RPS19: variants seen among roughly 807,000 people sequenced by gnomAD.
The protein encoded by RPS19 is small ribosomal subunit protein eS19.
A neutral mutation model predicts 20.3 loss-of-function variants in RPS19; 1 was observed. The ratio of observed to expected loss-of-function variants is 0.05; its 90% confidence interval spans 0.02 to 0.23. The LOEUF is 0.23. Ranked by LOEUF, RPS19 falls within the 10% of genes least tolerant of loss-of-function variation. The pLI is 1.00. For missense variants in RPS19, 111 were observed against 192.7 expected (o/e 0.58, Z 2.51); for synonymous variants, 87 against 74.8 (o/e 1.16, Z -0.84).
chr19:41,867,224 C>A (rs184633301), intron 3 of RPS19, among the ~76,000 whole-genome samples: 227 of 151,992 alleles, frequency 1.5e-3, no homozygotes, highest in African/African-American at 5.2e-3. Context: ...TGAGCTGTTA[C>A]CACTGCACTC....
chr19:41,865,880 C>T (rs1406880459), intron 3 of RPS19, among the ~76,000 whole-genome samples: 12 of 135,848 alleles, frequency 8.8e-5, no homozygotes, highest in African/African-American at 3.3e-4. Context: ...ACCCGGGAGG[C>T]GGAGCTTGCA....
Position 41,860,255 on chromosome 19 carries a change from C to G in RPS19, c.-35C>G, listed in dbSNP as rs1181295809. The G allele has an allele frequency of 6.5e-6, 1 of 152,994 alleles. No homozygotes were observed. Among genetic ancestry groups the G allele is most frequent in the African/African-American group, 2.4e-5 (1 of 41,490 alleles). 9.5% of individuals were successfully genotyped at this position (152,994 alleles called of 1,614,324 possible). Reference sequence around the variant, plus strand: ...TGTGCGCCCGGGAAACCCCGTCGTTCCCTTTCCCCTGGCTGGCAGCGCGGA... The same window carrying G: ...TGTGCGCCCGGGAAACCCCGTCGTTGCCTTTCCCCTGGCTGGCAGCGCGGA... On this transcript the variant is annotated 5_prime_UTR_variant, in exon 1 of 6. Coordinates refer to ENST00000598742, the MANE Select transcript of RPS19 (RefSeq NM_001022.4).
rs893182835 is a variant in RPS19, at chr19:41,860,684, T to C, written c.1-91T>C. 1.2e-4 allele frequency: 121 copies of C among 978,358 alleles called. No homozygotes were observed. In the Admixed American group the frequency reaches 1.8e-3, roughly 15 times the overall value. The allele number at this position is 978,358 out of a possible 1,614,324, so 60.6% of individuals were successfully genotyped here. A position where few individuals can be genotyped will look rare whatever the true frequency, so the allele number is the denominator to read the frequency against. ...TAACGGGGGGTACCACGGTTTAGGA[T>C]GCGCTGGAGCGAAAGGATTGGGGTG... On this transcript the variant is annotated intron_variant, in intron 1 of 5. Coordinates refer to ENST00000598742, the MANE Select transcript of RPS19 (RefSeq NM_001022.4).
intron 4 of RPS19, 132 bp from the exon 5 acceptor site, chr19:41,869,567 G>T: frequency 1.1e-6 from 1 of 930,118 alleles, no homozygotes; most frequent in Non-Finnish European, 1.7e-6. Context: ...GAATGCACCT[G>T]ACTAGGGCCC....
intron 3 of RPS19, among the ~76,000 whole-genome samples, chr19:41,863,203 A>G (rs995161524): frequency 2.0e-5 from 3 of 152,148 alleles, no homozygotes; most frequent in African/African-American, 7.2e-5. Flanking sequence ...TTTTATTTGT[A>G]GAGATGGAGT....
At chr19:41,870,749 G>A (rs1432263840) in intron 5 of RPS19, among the ~76,000 whole-genome samples, 1 of 151,784 alleles carries the variant, frequency 6.6e-6, no homozygotes, top group Non-Finnish European at 1.5e-5. Flanking sequence ...GCTCTTCCAG[G>A]CAGAGTGGGG....
rs1318520916 is a variant in RPS19, at chr19:41,861,133, C to T, written c.93C>T (p.Pro31=). The change falls in exon 3 of 6, where the codon CCC becomes CCT. Residue 31 remains proline (P), a synonymous_variant. Coordinates refer to ENST00000598742, the MANE Select transcript of RPS19 (RefSeq NM_001022.4). ...TTAGGTCCGGGAAGCTGAAAGTCCC[C>T]GAATGGGTGGATACCGTCAAGCTGG... is the stretch of plus-strand genomic sequence containing the variant. ...FLKKSGKLKV[P]EWVDTVKLAK... is the part of the protein sequence containing the mutation. 4 of 1,614,022 alleles carry T rather than the reference C, an allele frequency of 2.5e-6. No homozygotes were observed. Among genetic ancestry groups the T allele is most frequent in the Admixed American group, 1.7e-5 (1 of 60,008 alleles).
intron 3 of RPS19, chr19:41,861,744 C>T (rs781820591): frequency 2.3e-5 from 4 of 174,220 alleles, no homozygotes; most frequent in Non-Finnish European, 5.0e-5. Context: ...ATCAAGTTAG[C>T]CTTCTCCATA....
At chr19:41,860,735 C>G (rs369535065) in intron 1 of RPS19, 40 bp from the exon 2 acceptor site, 2 of 1,497,184 alleles carry the variant, frequency 1.3e-6, no homozygotes, top group East Asian at 2.3e-5. Flanking sequence ...GCAGTCGTCT[C>G]TGCCAGGCCT....
Position 41,870,849 on chromosome 19 carries a change from C to CTTTTTTTTTTTTTTTTTTTTT in RPS19, c.412-491_412-471dup, listed in dbSNP as rs35987051. Among the ~76,000 whole-genome samples the CTTTTTTTTTTTTTTTTTTTTT allele has an allele frequency of 9.1e-5, 4 of 43,962 alleles. 1 individual carries two copies. The highest frequency in any genetic ancestry group is 9.2e-5 in the African/African-American group (1 of 10,820). 28.8% of individuals were successfully genotyped at this position (43,962 alleles called of 152,430 possible). ...TGGACTCCACTCCGCCACTCCCTTCCTTTTTTTTTTTTTTTTTTTTTTTTT... is the reference window on the plus strand; with the variant it reads ...TGGACTCCACTCCGCCACTCCCTTCCTTTTTTTTTTTTTTTTTTTTTTTTTTTTTTTTTTTTTTTTTTTTTT... On this transcript the variant is annotated intron_variant, in intron 5 of 5. Transcript: ENST00000598742.
rs2074148900 is a variant in RPS19, at chr19:41,871,465, G to A, written c.*88G>A. The A allele has an allele frequency of 1.7e-6, 2 of 1,154,852 alleles. No individual in the cohort carries two copies. The highest frequency in any genetic ancestry group is 1.2e-5 in the South Asian group (1 of 81,178). The allele number at this position is 1,154,852 out of a possible 1,614,324, so 71.5% of individuals were successfully genotyped here. On this transcript the variant is annotated 3_prime_UTR_variant, in exon 6 of 6. Coordinates refer to ENST00000598742, the MANE Select transcript of RPS19 (RefSeq NM_001022.4). ...AGTCTCTTGCTCTGTCGCCCAGGCTGGAGTGCAGTGGCGCCATCTCAGCTC... is the reference window on the plus strand; with the variant it reads ...AGTCTCTTGCTCTGTCGCCCAGGCTAGAGTGCAGTGGCGCCATCTCAGCTC...
rs782391338 is a variant in RPS19 at position 41,869,224 on chromosome 19, G to A, written c.356+10G>A. On this transcript the variant is annotated intron_variant, in intron 4 of 5. Transcript: ENST00000598742. Reference sequence around the variant, plus strand: ...AAAAGGACCAAGATGGGTAAGCAGGGTAGAGGGGGCTGCATTGATGGAGTA... The same window carrying A: ...AAAAGGACCAAGATGGGTAAGCAGGATAGAGGGGGCTGCATTGATGGAGTA... 5.6e-6 allele frequency: 9 copies of A among 1,611,696 alleles called. No homozygotes were observed. The South Asian group carries it at 9.9e-5, about 18-fold the overall frequency.
At position 41,861,204 on chromosome 19, in the gene RPS19, C is replaced by A; in HGVS notation, c.164C>A (p.Thr55Lys). The change falls in exon 3 of 6, where the codon ACG becomes AAG. Residue 55 changes from threonine (T) to lysine (K), a missense_variant. Transcript: ENST00000598742. ...CCCTACGATGAGAACTGGTTCTACA[C>A]GCGAGCTGGTGAGGAACTTAGGTCT... ...LAPYDENWFY[T>K]RAASTARHLY... 6.2e-7 allele frequency: 1 copy of A among 1,613,254 alleles called. No homozygotes were observed. The highest frequency in any genetic ancestry group is 2.2e-5 in the East Asian group (1 of 44,888).
At chr19:41,868,961 T>C in intron 3 of RPS19, 70 bp from the exon 4 acceptor site, 1 of 1,478,414 alleles carries the variant, frequency 6.8e-7, no homozygotes, top group South Asian at 1.1e-5. Flanking sequence ...ATTAGCTGTT[T>C]ACACACAAGG....
chr19:41,861,298 T>C, intron 3 of RPS19, 86 bp downstream of exon 3: 1 of 964,556 alleles, frequency 1.0e-6, no homozygotes, highest in African/African-American at 1.6e-5. Context: ...TCTGAGCTCT[T>C]TCCCGCCCCA....
chr19:41,866,410 T>C (rs1555840532), intron 3 of RPS19, among the ~76,000 whole-genome samples: 1 of 152,154 alleles, frequency 6.6e-6, no homozygotes, highest in Non-Finnish European at 1.5e-5. Context: ...GTATTTGAGC[T>C]GGTCTGAAAG....
chr19:41,865,439 A>G (rs1331492765), intron 3 of RPS19, among the ~76,000 whole-genome samples: 1 of 151,672 alleles, frequency 6.6e-6, no homozygotes, highest in African/African-American at 2.4e-5. Flanking sequence ...AGGTTTAAGT[A>G]AAGTGTCTCC....
Position 41,860,802 on chromosome 19 carries a change from A to C in RPS19, c.28A>C (p.Asn10His), listed in dbSNP as rs928858208. The C allele has an allele frequency of 6.2e-7, 1 of 1,613,914 alleles. No individual in the cohort carries two copies. The highest frequency in any genetic ancestry group is 8.5e-7 in the Non-Finnish European group (1 of 1,179,884). Residue 10 changes from asparagine (N) to histidine (H), a missense_variant, in exon 2 of 6, where the codon AAC becomes CAC. Physicochemically the swap from Asn to His is moderately conservative, Grantham distance 68 (BLOSUM62 1). Coordinates refer to ENST00000598742, the MANE Select transcript of RPS19 (RefSeq NM_001022.4). MPGVTVKDV[N>H]QQEFVRALAA... ...GCCTGGAGTTACTGTAAAAGACGTG[A>C]ACCAGCAGGAGTTCGTCAGAGCTCT...
rs1039962996 is a variant in RPS19 at position 41,863,417 on chromosome 19, C to T, written c.172+2205C>T. ...TGCAGACGGGCGAAGGGACTTGCTG[C>T]AAGTTACCCTGGGAGGGCTTGGCAG... On this transcript the variant is annotated intron_variant, in intron 3 of 5. Transcript: ENST00000598742. Among the ~76,000 whole-genome samples the T allele has an allele frequency of 3.0e-4, 46 of 152,174 alleles. 2 individuals carry two copies. Among genetic ancestry groups the T allele is most frequent in the Non-Finnish European group, 2.9e-5 (2 of 68,022 alleles).
Sources: gnomAD v4.1 joint callset for allele counts (sites outside exome capture counted in the v4.1 genomes callset) on GRCh38, gnomAD v4.1.1 for gene constraint, MANE v1.5 for transcripts, NCBI Gene and HGNC (gene_info 2026-07-23, HGNC 2026-07-21) for gene names.